MYRIP: variants seen among roughly 807,000 people sequenced by gnomAD.
MYRIP encodes myosin VIIA and Rab interacting protein.
In MYRIP, 49 loss-of-function variants were observed where a neutral mutation model predicts 98.0. The ratio of observed to expected loss-of-function variants is 0.50; its 90% CI spans 0.40 to 0.63. The LOEUF is 0.63. Among genes scored for constraint, MYRIP ranks in the 30% least tolerant of loss-of-function variants. The pLI, the probability that MYRIP is intolerant of heterozygous loss-of-function variation, is 0.00. For synonymous variants in MYRIP, 404 were observed against 409.5 expected, an observed-to-expected ratio of 0.99 and a Z score of 0.16; for missense variants, 1,004 against 1,058.2, an observed-to-expected ratio of 0.95 and a Z score of 0.71.
intron 2 of MYRIP, among the ~76,000 whole-genome samples, chr3:39,943,066 C>T (rs985663392): frequency 7.9e-5 from 12 of 152,062 alleles, no homozygotes; most frequent in African/African-American, 2.9e-4. Flanking sequence ...TTCTGATGAC[C>T]TTGACTCTTG....
intron 4 of MYRIP, among the ~76,000 whole-genome samples, chr3:40,153,227 T>A (rs891132597): frequency 1.3e-5 from 2 of 152,094 alleles, no homozygotes; most frequent in African/African-American, 4.8e-5. Flanking sequence ...TGGAGAAACA[T>A]GAAGACAAGC....
intron 1 of MYRIP, among the ~76,000 whole-genome samples, chr3:39,812,662 CAAAGAT>C (rs1303354922): frequency 6.6e-6 from 1 of 152,182 alleles, no homozygotes; most frequent in Non-Finnish European, 1.5e-5. Flanking sequence ...TTGAATTCCT[CAAAGAT>C]AAAAAGTTGA....
intron 2 of MYRIP, among the ~76,000 whole-genome samples, chr3:39,985,141 C>T: frequency 6.6e-6 from 1 of 151,910 alleles, no homozygotes; most frequent in East Asian, 1.9e-4. Context: ...ACAAAAATCA[C>T]AAGCATTCTT....
intron 2 of MYRIP, among the ~76,000 whole-genome samples, chr3:40,038,645 T>C (rs576949847): frequency 2.0e-5 from 3 of 152,032 alleles, no homozygotes; most frequent in Non-Finnish European, 4.4e-5. Flanking sequence ...TAAACAAAAA[T>C]AGATCATTTT....
rs1953335146 is a variant in MYRIP, at chr3:40,250,341, T to C, written c.2367+15T>C. On this transcript the variant is annotated intron_variant, in intron 14 of 16. Coordinates refer to ENST00000302541, the MANE Select transcript of MYRIP (RefSeq NM_015460.4). ...AAAGGACCCAGGTGTGTTTGTCCCT[T>C]TCTCCCTCTGTTGGAATGTTACATG... The C allele has an allele frequency of 6.2e-7, 1 of 1,613,242 alleles. No individual in the cohort carries two copies. Among genetic ancestry groups the C allele is most frequent in the South Asian group, 1.1e-5 (1 of 91,034 alleles).
chr3:40,178,877 T>C (rs1183555496), intron 8 of MYRIP, among the ~76,000 whole-genome samples: 1 of 152,092 alleles, frequency 6.6e-6, no homozygotes, highest in Non-Finnish European at 1.5e-5. Flanking sequence ...ATGCAAGGGA[T>C]TGCTGATGTG....
chr3:39,978,698 G>C (rs1314189774), intron 2 of MYRIP, among the ~76,000 whole-genome samples: 4 of 152,078 alleles, frequency 2.6e-5, no homozygotes, highest in Admixed American at 2.6e-4. Context: ...CTTCAGCCTT[G>C]GTCACATAAC....
At chr3:40,216,817 T>A (rs1242645304) in intron 11 of MYRIP, among the ~76,000 whole-genome samples, 2 of 152,180 alleles carry the variant, frequency 1.3e-5, no homozygotes, top group Non-Finnish European at 2.9e-5. Context: ...TAATGACAAC[T>A]CATTTTAAAT....
intron 2 of MYRIP, among the ~76,000 whole-genome samples, chr3:40,007,219 A>G (rs559222408): frequency 6.6e-6 from 1 of 152,336 alleles, no homozygotes; most frequent in East Asian, 1.9e-4. Flanking sequence ...CCATGGAGAA[A>G]GCCGTTTCAA....
chr3:39,900,109 CTGT>C (rs1943709385), intron 1 of MYRIP, among the ~76,000 whole-genome samples: 1 of 152,246 alleles, frequency 6.6e-6, no homozygotes, highest in Non-Finnish European at 1.5e-5. Context: ...GCTTGAGCCA[CTGT>C]GCCCAGCCAA....
At chr3:40,160,891 T>C (rs909727540) in intron 4 of MYRIP, among the ~76,000 whole-genome samples, 4 of 152,188 alleles carry the variant, frequency 2.6e-5, no homozygotes, top group African/African-American at 9.6e-5. Flanking sequence ...CACTGACCTG[T>C]GCCCACTGTC....
At chr3:40,242,409 A>G (rs1484762722) in intron 12 of MYRIP, 1 of 151,798 alleles carries the variant, frequency 6.6e-6, no homozygotes, top group Non-Finnish European at 1.5e-5. Context: ...CCAGGAAAGT[A>G]GGCTTTTAGT....
chr3:40,206,870 A>G (rs1478946650), intron 10 of MYRIP, among the ~76,000 whole-genome samples: 1 of 152,240 alleles, frequency 6.6e-6, no homozygotes, highest in Non-Finnish European at 1.5e-5. Flanking sequence ...AGCAGGTTTC[A>G]TCTTTTGGGT....
At chr3:40,153,219 G>C (rs897130845) in intron 4 of MYRIP, among the ~76,000 whole-genome samples, 3 of 152,132 alleles carry the variant, frequency 2.0e-5, no homozygotes, top group Non-Finnish European at 2.9e-5. Context: ...ATTTCTTTTG[G>C]AGAAACATGA....
chr3:39,815,887 GT>G (rs11293642), intron 1 of MYRIP, among the ~76,000 whole-genome samples: 31,340 of 133,836 alleles, frequency 0.23, 3,286 homozygotes, highest in South Asian at 0.32. Flanking sequence ...TTCTAATAGC[GT>G]TTTTTTTTTT....
At chr3:39,846,942 G>T (rs1207356854) in intron 1 of MYRIP, among the ~76,000 whole-genome samples, 1 of 152,152 alleles carries the variant, frequency 6.6e-6, no homozygotes, top group Non-Finnish European at 1.5e-5. Flanking sequence ...GTCTGCTGGA[G>T]AATCCTCTCT....
At chr3:39,974,089 TA>T (rs144658021) in intron 2 of MYRIP, among the ~76,000 whole-genome samples, 41,731 of 151,532 alleles carry the variant, frequency 0.28, 6,416 homozygotes, top group Non-Finnish European at 0.35. Context: ...AAAAACCCTA[TA>T]AAAAAATCAA....
intron 1 of MYRIP, among the ~76,000 whole-genome samples, chr3:39,833,964 G>C (rs1468360035): frequency 6.6e-6 from 1 of 152,236 alleles, no homozygotes; most frequent in Non-Finnish European, 1.5e-5. Context: ...AGGAGGCAAA[G>C]GTTACAGTGA....
chr3:39,836,552 C>T (rs1050574639), intron 1 of MYRIP, among the ~76,000 whole-genome samples: 2 of 152,076 alleles, frequency 1.3e-5, no homozygotes, highest in African/African-American at 4.8e-5. Flanking sequence ...AGGCAGTGCT[C>T]CTTTTGCGAG....
Sources: gnomAD v4.1 joint callset for allele counts (sites outside exome capture counted in the v4.1 genomes callset) on GRCh38, gnomAD v4.1.1 for gene constraint, MANE v1.5 for transcripts, NCBI Gene and HGNC (gene_info 2026-07-23, HGNC 2026-07-21) for gene names.